FAM234B: variants seen among roughly 807,000 people sequenced by gnomAD.
FAM234B encodes the protein family with sequence similarity 234 member B, also known as protein FAM234B.
FAM234B carries 33 observed loss-of-function variants against 69.3 expected under a neutral mutation model. The ratio of observed to expected loss-of-function variants is 0.48; its 90% confidence interval spans 0.36 to 0.64. FAM234B has a LOEUF of 0.64. FAM234B is among the 30% of genes least tolerant of loss of function. FAM234B has a pLI of 0.00. For missense variants in FAM234B, 697 were observed against 769.7 expected (o/e 0.91, Z 1.12); for synonymous variants, 306 against 306.9 (o/e 1.00, Z 0.03).
intron 2 of FAM234B, 75 bp downstream of exon 2, chr12:13,056,021 A>C: frequency 1.4e-6 from 2 of 1,408,954 alleles, no homozygotes; most frequent in East Asian, 2.5e-5. Flanking sequence ...TTTTCCTCCA[A>C]ATCTTAAAAC....
intron 6 of FAM234B, 96 bp downstream of exon 6, chr12:13,066,883 A>C (rs1281826569): frequency 7.3e-7 from 1 of 1,376,012 alleles, no homozygotes; most frequent in Non-Finnish European, 1.0e-6. Flanking sequence ...AACTCCTGAC[A>C]CCAGCCTTCC....
At chr12:13,056,966 T>C (rs1864936855) in intron 2 of FAM234B, among the ~76,000 whole-genome samples, 1 of 151,894 alleles carries the variant, frequency 6.6e-6, no homozygotes, top group South Asian at 2.1e-4. Context: ...TCATGCAGTC[T>C]TCTGTGAACT....
chr12:13,060,382 T>G (rs1164129578), intron 3 of FAM234B, among the ~76,000 whole-genome samples: 1 of 152,208 alleles, frequency 6.6e-6, no homozygotes, highest in Non-Finnish European at 1.5e-5. Flanking sequence ...TTCTGATGGT[T>G]ACACACAGAC....
At chr12:13,057,450 T>A (rs1864942621) in intron 2 of FAM234B, among the ~76,000 whole-genome samples, 1 of 145,096 alleles carries the variant, frequency 6.9e-6, no homozygotes, top group Non-Finnish European at 1.5e-5. Context: ...AAGTAATGCT[T>A]CCAGTCTTTT....
chr12:13,059,508 C>T (rs1015155437), intron 3 of FAM234B, among the ~76,000 whole-genome samples: 36 of 152,318 alleles, frequency 2.4e-4, no homozygotes, highest in South Asian at 6.2e-4. Context: ...AGCCTAAGTA[C>T]ACAAGGCTTT....
Position 13,067,058 on chromosome 12 carries a change from C to T in FAM234B, c.1001-97C>T, listed in dbSNP as rs1865047345. On this transcript the variant is annotated intron_variant, in intron 6 of 12. Transcript: ENST00000197268. The surrounding 1 kb of genome is among the most constrained non-coding windows in gnomAD (Gnocchi z 4.7). ...TCCAGTCTGGGCGGGCTCTGTTAGA[C>T]CCATCTGGTCAGGCTCTGTGTCTCT... 6 of 1,428,654 alleles carry T rather than the reference C, an allele frequency of 4.2e-6. No homozygotes were observed. Among genetic ancestry groups the T allele is most frequent in the Non-Finnish European group, 4.9e-6 (5 of 1,027,668 alleles). The allele number at this position is 1,428,654 out of a possible 1,614,324, so 88.5% of individuals were successfully genotyped here. A position where few individuals can be genotyped will look rare whatever the true frequency, so the allele number is the denominator to read the frequency against.
chr12:13,047,559 C>T (rs1376976876), intron 1 of FAM234B, among the ~76,000 whole-genome samples: 1 of 152,088 alleles, frequency 6.6e-6, no homozygotes, highest in Non-Finnish European at 1.5e-5. Context: ...GCATCACTTT[C>T]CTATTTGTGT....
rs1201802432 is a variant in FAM234B at position 13,044,721 on chromosome 12, C to T, written c.37+281C>T. Reference sequence around the variant, plus strand: ...GTTACGGCGGGGAATGTCAGAACGCCGGTCGCCGCTGTCCCGAGGGGAGGC... The same window carrying T: ...GTTACGGCGGGGAATGTCAGAACGCTGGTCGCCGCTGTCCCGAGGGGAGGC... On this transcript the variant is annotated intron_variant, in intron 1 of 12. Coordinates refer to ENST00000197268, the MANE Select transcript of FAM234B (RefSeq NM_020853.2). This position sits in a 1 kb window ranked among gnomAD's most constrained non-coding sequence, Gnocchi z 5.6. Among the ~76,000 whole-genome samples the T allele has an allele frequency of 6.6e-6, 1 of 152,186 alleles. No individual in the cohort carries two copies. Among genetic ancestry groups the T allele is most frequent in the Non-Finnish European group, 1.5e-5 (1 of 68,024 alleles).
At chr12:13,071,175 G>A in intron 9 of FAM234B, 66 bp from the exon 10 acceptor site, 1 of 1,545,624 alleles carries the variant, frequency 6.5e-7, no homozygotes, top group Non-Finnish European at 8.9e-7. Flanking sequence ...TTTTGTGTGT[G>A]CATTTTCTGG....
intron 1 of FAM234B, among the ~76,000 whole-genome samples, chr12:13,048,151 C>T (rs535529605): frequency 3.6e-4 from 55 of 152,278 alleles, no homozygotes; most frequent in African/African-American, 1.2e-3. Flanking sequence ...CTTTATATTT[C>T]GGTGATGTCA....
chr12:13,057,467 T>A (rs959001902), intron 2 of FAM234B, among the ~76,000 whole-genome samples: 7 of 149,836 alleles, frequency 4.7e-5, no homozygotes, highest in South Asian at 2.1e-4. Flanking sequence ...TTTTTTTTTT[T>A]AAATAAATAA....
At chr12:13,072,458 G>A (rs755847471) in intron 10 of FAM234B, among the ~76,000 whole-genome samples, 40 of 152,226 alleles carry the variant, frequency 2.6e-4, no homozygotes, top group Non-Finnish European at 5.0e-4. Flanking sequence ...TCGGCTGGGC[G>A]CAGTGGCTCA....
Position 13,069,300 on chromosome 12 carries a change from A to C in FAM234B, c.1368+589A>C, listed in dbSNP as rs182626934. 8.3e-4 allele frequency among the ~76,000 whole-genome samples: 127 copies of C among 152,314 alleles called. 1 individual carries two copies. The highest frequency in any genetic ancestry group is 2.9e-3 in the African/African-American group (121 of 41,568). ...TGGATGGATGACTTTCATTTCTTTA[A>C]CATTACAGCAGAATTACAGAGTTAC... On this transcript the variant is annotated intron_variant, in intron 9 of 12. Coordinates refer to ENST00000197268, the MANE Select transcript of FAM234B (RefSeq NM_020853.2).
At chr12:13,059,946 G>A (rs925434737) in intron 3 of FAM234B, among the ~76,000 whole-genome samples, 1 of 152,198 alleles carries the variant, frequency 6.6e-6, no homozygotes, top group African/African-American at 2.4e-5. Flanking sequence ...GACACAATAT[G>A]GACCAGGCTG....
rs1467800241 is a variant in FAM234B, at chr12:13,044,844, G to A, written c.37+404G>A. ...TGGACCTGGGCGGGGGCGGCGGGACGGCGAGTGGCCCTCTGTGGATCATCC... is the reference window on the plus strand; with the variant it reads ...TGGACCTGGGCGGGGGCGGCGGGACAGCGAGTGGCCCTCTGTGGATCATCC... On this transcript the variant is annotated intron_variant, in intron 1 of 12. Transcript: ENST00000197268. This position sits in a 1 kb window ranked among gnomAD's most constrained non-coding sequence, Gnocchi z 5.6. Among the ~76,000 whole-genome samples the A allele has an allele frequency of 7.9e-5, 12 of 152,228 alleles. No individual in the cohort carries two copies. Among genetic ancestry groups the A allele is most frequent in the Non-Finnish European group, 1.5e-5 (1 of 68,038 alleles).
chr12:13,073,707 G>A (rs1006956136), intron 10 of FAM234B, among the ~76,000 whole-genome samples: 6 of 152,204 alleles, frequency 3.9e-5, no homozygotes, highest in African/African-American at 1.2e-4. Flanking sequence ...CCCGTGGAAA[G>A]TTCGCTCAAC....
intron 9 of FAM234B, among the ~76,000 whole-genome samples, chr12:13,070,717 T>G (rs1865096706): frequency 1.3e-5 from 2 of 152,156 alleles, no homozygotes; most frequent in Non-Finnish European, 2.9e-5. Context: ...GCTTTAAATT[T>G]GAGACTTCCC....
chr12:13,073,153 C>CTTT (rs200786648), intron 10 of FAM234B, among the ~76,000 whole-genome samples: 1 of 142,504 alleles, frequency 7.0e-6, no homozygotes, highest in Non-Finnish European at 1.5e-5. Context: ...CTTTTTTTGT[C>CTTT]TTTTTTTTTT....
intron 9 of FAM234B, among the ~76,000 whole-genome samples, chr12:13,068,971 G>C (rs1434745733): frequency 1.3e-5 from 2 of 151,994 alleles, no homozygotes; most frequent in Admixed American, 6.5e-5. Context: ...GTTAGGCATT[G>C]GGGGCCTTCT....
Sources: gnomAD v4.1 joint callset for allele counts (sites outside exome capture counted in the v4.1 genomes callset) on GRCh38, gnomAD v4.1.1 for gene constraint, Gnocchi (gnomAD v3.1) non-coding constraint, MANE v1.5 for transcripts, NCBI Gene and HGNC (gene_info 2026-07-23, HGNC 2026-07-21) for gene names.